Variants in SPMIP2 observed in about 807,000 individuals in gnomAD.
The protein encoded by SPMIP2 is sperm microtubule inner protein 2.
At chr4:158,987,670 C>T in the SPMIP2 span, among the ~76,000 whole-genome samples, 1 of 151,992 alleles carries the variant, frequency 6.6e-6, no homozygotes, top group Non-Finnish European at 1.5e-5. Flanking sequence ...AGGAGCTATA[C>T]CTAATGCTAA....
the SPMIP2 span, among the ~76,000 whole-genome samples, chr4:159,001,255 C>A: frequency 3.3e-5 from 5 of 151,098 alleles, no homozygotes; most frequent in African/African-American, 4.9e-5. Context: ...ATGTAGAGGA[C>A]CTTTTGCTTA....
the SPMIP2 span, among the ~76,000 whole-genome samples, chr4:159,055,983 G>A: frequency 6.6e-6 from 1 of 152,116 alleles, no homozygotes; most frequent in African/African-American, 2.4e-5. Flanking sequence ...TCACACCTGT[G>A]TCAAGAGAGG....
chr4:159,048,929 T>C, the SPMIP2 span, among the ~76,000 whole-genome samples: 1 of 152,036 alleles, frequency 6.6e-6, no homozygotes, highest in Non-Finnish European at 1.5e-5. Flanking sequence ...AGTTAAAATT[T>C]TTTTTGAATC....
chr4:159,081,019 G>A, the SPMIP2 span, among the ~76,000 whole-genome samples: 13 of 148,958 alleles, frequency 8.7e-5, no homozygotes, highest in Non-Finnish European at 1.5e-4. Context: ...GACTGTGCCC[G>A]GACTCTTTGT....
the SPMIP2 span, among the ~76,000 whole-genome samples, chr4:158,921,701 A>G: frequency 6.6e-6 from 1 of 152,082 alleles, no homozygotes; most frequent in African/African-American, 2.4e-5. Context: ...GTGCGAGAAA[A>G]CATTAATACA....
chr4:159,013,087 C>T, the SPMIP2 span, among the ~76,000 whole-genome samples: 1 of 152,188 alleles, frequency 6.6e-6, no homozygotes, highest in African/African-American at 2.4e-5. Context: ...TATTTAAATG[C>T]TTTAAAAATG....
At chr4:159,036,013 A>G in the SPMIP2 span, among the ~76,000 whole-genome samples, 3 of 152,226 alleles carry the variant, frequency 2.0e-5, no homozygotes, top group African/African-American at 7.2e-5. Context: ...AGAGACTTGT[A>G]TGCAATAAAT....
At chr4:159,062,025 T>G in the SPMIP2 span, among the ~76,000 whole-genome samples, 1 of 152,276 alleles carries the variant, frequency 6.6e-6, no homozygotes, top group East Asian at 1.9e-4. Context: ...TACAGCCTTG[T>G]TTGCAGGAGC....
the SPMIP2 span, among the ~76,000 whole-genome samples, chr4:158,993,024 G>T: frequency 6.6e-6 from 1 of 152,066 alleles, no homozygotes; most frequent in African/African-American, 2.4e-5. Context: ...CCAAGTATGT[G>T]TGTTTCTGTG....
the SPMIP2 span, among the ~76,000 whole-genome samples, chr4:159,058,779 AC>A: frequency 1.3e-5 from 2 of 152,202 alleles, no homozygotes; most frequent in Non-Finnish European, 2.9e-5. Context: ...AGAATAAGAT[AC>A]CTTTTTTATT....
the SPMIP2 span, among the ~76,000 whole-genome samples, chr4:159,072,327 A>G: frequency 6.6e-6 from 1 of 152,204 alleles, no homozygotes; most frequent in Admixed American, 6.5e-5. Flanking sequence ...AAAGAATAAA[A>G]GAAAAATATT....
the SPMIP2 span, among the ~76,000 whole-genome samples, chr4:159,008,524 G>A: frequency 2.6e-5 from 4 of 151,942 alleles, no homozygotes; most frequent in East Asian, 1.9e-4. Context: ...AACCAAGATC[G>A]TGCCACTGCA....
chr4:158,991,524 G>A, the SPMIP2 span, among the ~76,000 whole-genome samples: 798 of 152,166 alleles, frequency 5.2e-3, 6 homozygotes, highest in African/African-American at 0.018. Flanking sequence ...AAAATGTGAG[G>A]GTTTTTCAGA....
At chr4:159,045,128 C>T in the SPMIP2 span, among the ~76,000 whole-genome samples, 1 of 151,658 alleles carries the variant, frequency 6.6e-6, no homozygotes, top group Non-Finnish European at 1.5e-5. Context: ...TAGCTGAGCC[C>T]AGAAGTCTGG....
chr4:158,937,596 A>G, the SPMIP2 span: 1 of 154,394 alleles, frequency 6.5e-6, no homozygotes, highest in Non-Finnish European at 1.5e-5. Flanking sequence ...TAATCAAGAC[A>G]ATTTGAGGCA....
chr4:158,992,900 G>A, the SPMIP2 span, among the ~76,000 whole-genome samples: 6 of 152,196 alleles, frequency 3.9e-5, no homozygotes, highest in South Asian at 2.1e-4. Flanking sequence ...CACATTGGCC[G>A]TTAAATTTCA....
chr4:159,017,350 A>AC, the SPMIP2 span, among the ~76,000 whole-genome samples: 9 of 51,430 alleles, frequency 1.7e-4, no homozygotes, highest in Admixed American at 1.5e-3. Context: ...CACAAACACA[A>AC]ACACATACAC....
At chr4:159,074,170 C>CAT in the SPMIP2 span, among the ~76,000 whole-genome samples, 131 of 152,208 alleles carry the variant, frequency 8.6e-4, 1 homozygote, top group Non-Finnish European at 1.2e-3. Context: ...ATATTACAAA[C>CAT]ATATCAATTT....
the SPMIP2 span, among the ~76,000 whole-genome samples, chr4:158,992,223 C>A: frequency 2.0e-5 from 3 of 152,236 alleles, no homozygotes; most frequent in Non-Finnish European, 4.4e-5. Flanking sequence ...TCATCAAATG[C>A]TGCTCGTATG....
Sources: allele counts gnomAD v4.1 joint callset (sites outside exome capture counted in the v4.1 genomes callset), GRCh38; gene constraint gnomAD v4.1.1; transcripts MANE v1.5; gene names NCBI Gene and HGNC (gene_info 2026-07-23, HGNC 2026-07-21).